The following MROH2A variants were observed in gnomAD, a reference collection of about 807,000 sequenced individuals.
The protein encoded by MROH2A is maestro heat like repeat family member 2A.
Under a neutral mutation model 200.4 loss-of-function variants are expected in MROH2A, and 174 were observed. That is an observed-to-expected ratio of 0.87 (90% CI 0.77 to 0.98). The LOEUF (loss-of-function observed/expected upper bound fraction) is 0.98, where lower values mean the gene tolerates loss of function less well. Among genes scored for constraint, MROH2A ranks in the 50% least tolerant of loss-of-function variants. MROH2A has a pLI of 0.00. For missense variants in MROH2A, 2,045 were observed against 2,139.6 expected (o/e 0.96, Z 0.87); for synonymous variants, 829 against 840.4 (o/e 0.99, Z 0.23).
rs61609563 is a variant in MROH2A at position 233,807,148 on chromosome 2, T to TTA, written c.2053-262_2053-261dup. Reference sequence around the variant, plus strand: ...TTTTTTGTGGCTGAGTAGTATTCCATTATATATATATATAATATGAACTGA... The same window carrying TTA: ...TTTTTTGTGGCTGAGTAGTATTCCATTATATATATATATATAATATGAACTGA... On this transcript the variant is annotated intron_variant, in intron 19 of 41. Coordinates refer to ENST00000389758, the MANE Select transcript of MROH2A (RefSeq NM_001394639.1). The surrounding 1 kb of genome is among the most constrained non-coding windows in gnomAD (Gnocchi z 4.3). 0.33 allele frequency among the ~76,000 whole-genome samples: 50,062 copies of TTA among 150,004 alleles called. 10,034 individuals carry two copies. Among genetic ancestry groups the TTA allele is most frequent in the East Asian group, 0.57 (2,917 of 5,106 alleles).
chr2:233,822,464 A>G lies in MROH2A; in HGVS notation c.3774A>G (p.Gly1258=), dbSNP rs760164391. Residue 1258 remains glycine, a synonymous_variant, in exon 33 of 42, where the codon GGA becomes GGG. Coordinates refer to ENST00000389758, the MANE Select transcript of MROH2A (RefSeq NM_001394639.1). ...DLIYTLLLQL[G]SSHRPEAAPP... ...TCTACACCCTCCTGCTGCAGCTTGGAAGCAGCCACCGACCAGAGGCCGCCC... is the reference window on the plus strand; with the variant it reads ...TCTACACCCTCCTGCTGCAGCTTGGGAGCAGCCACCGACCAGAGGCCGCCC... 24 of 1,550,706 alleles carry G rather than the reference A, an allele frequency of 1.5e-5. No homozygotes were observed. Among genetic ancestry groups the G allele is most frequent in the Admixed American group, 2.0e-5 (1 of 50,990 alleles).
At chr2:233,802,124 C>T (rs1460075150) in intron 14 of MROH2A, 44 bp from the exon 15 acceptor site, 2 of 1,520,798 alleles carry the variant, frequency 1.3e-6, no homozygotes, top group African/African-American at 1.4e-5. Flanking sequence ...AAGCCCAGGG[C>T]TTGGGCTAAT....
chr2:233,788,938 C>CA (rs56084976), intron 3 of MROH2A, among the ~76,000 whole-genome samples: 1,099 of 47,462 alleles, frequency 0.023, 156 homozygotes, highest in Admixed American at 0.035. Flanking sequence ...GACTCCGTCT[C>CA]AAAAAAAAAA....
Position 233,779,774 on chromosome 2 carries a change from G to A in MROH2A, c.198G>A (p.Ser66=), listed in dbSNP as rs1010839559. 1.5e-5 allele frequency: 24 copies of A among 1,550,720 alleles called. No homozygotes were observed. The highest frequency in any genetic ancestry group is 9.5e-5 in the South Asian group (8 of 84,062). ...TTGACATGCGGAAGACCCTGGCCTC[G>A]GTGATAATCATGGAGAAGGCCACCA... ...AGLDMRKTLA[S]VIIMEKATTE... is the part of the protein sequence containing the mutation. The change falls in exon 3 of 42, where the codon TCG becomes TCA. Residue 66 remains serine (S), a synonymous_variant. Coordinates refer to ENST00000389758, the MANE Select transcript of MROH2A (RefSeq NM_001394639.1).
At chr2:233,790,709 C>T (rs1196868076) in intron 5 of MROH2A, among the ~76,000 whole-genome samples, 1 of 143,034 alleles carries the variant, frequency 7.0e-6, no homozygotes, top group Admixed American at 7.2e-5. Context: ...CCTTCTCCAT[C>T]CTCCCTCCCT....
chr2:233,799,988 T>C, intron 13 of MROH2A, 89 bp downstream of exon 13: 7 of 1,494,990 alleles, frequency 4.7e-6, no homozygotes, highest in South Asian at 1.3e-5. Context: ...TCAGCGTACC[T>C]GTGTTCAAAC....
intron 13 of MROH2A, 95 bp downstream of exon 13, chr2:233,799,994 C>A: frequency 6.8e-7 from 1 of 1,464,448 alleles, no homozygotes; most frequent in Non-Finnish European, 9.2e-7. Context: ...TACCTGTGTT[C>A]AAACCTGCGT....
rs752951251 is a variant in MROH2A, at chr2:233,818,105, C to T, written c.3065C>T (p.Ser1022Phe). 6.4e-7 allele frequency: 1 copy of T among 1,550,674 alleles called. No individual in the cohort carries two copies. The part of the protein sequence containing the change: ...RTRMASMNVL[S>F]SLLDLHASQT... ...CGCATGGCCTCAATGAATGTCCTGT[C>T]CAGCCTGCTAGATCTTCACGGTATG... The change falls in exon 28 of 42, where the codon TCC (serine) becomes TTC (phenylalanine). Residue 1022 changes from serine to phenylalanine, a missense_variant. Ser to Phe is a radical substitution (Grantham distance 155). This residue lies in a region of MROH2A where 1,201 missense variants were observed against 1,311.3 expected (regional missense o/e 0.92). Coordinates refer to ENST00000389758, the MANE Select transcript of MROH2A (RefSeq NM_001394639.1).
intron 5 of MROH2A, 137 bp from the exon 6 acceptor site, chr2:233,792,659 C>A: frequency 3.3e-6 from 2 of 612,116 alleles, no homozygotes; most frequent in East Asian, 2.8e-5. Flanking sequence ...TTTCCTGGGC[C>A]CCAGCCAGGA....
At chr2:233,819,813 A>C in intron 30 of MROH2A, 89 bp from the exon 31 acceptor site, 2 of 1,369,612 alleles carry the variant, frequency 1.5e-6, no homozygotes, top group Non-Finnish European at 1.9e-6. Context: ...ACTGGGCCAG[A>C]GCCCTTAGAG....
intron 3 of MROH2A, among the ~76,000 whole-genome samples, chr2:233,782,659 A>T (rs1201040134): frequency 6.6e-6 from 1 of 152,212 alleles, no homozygotes; most frequent in African/African-American, 2.4e-5. Context: ...TCATCTGTGA[A>T]CAAGGATAAT....
intron 5 of MROH2A, among the ~76,000 whole-genome samples, chr2:233,790,955 G>A (rs114976790): frequency 0.015 from 2,233 of 152,326 alleles, 53 homozygotes; most frequent in African/African-American, 0.051. Context: ...TGTTGAGGTA[G>A]CGATATTTCA....
chr2:233,802,450 CTATTAATGCCTACCTGGA>C (rs1247295000), intron 15 of MROH2A, 135 bp downstream of exon 15: 2 of 931,626 alleles, frequency 2.1e-6, no homozygotes, highest in South Asian at 1.8e-5. Context: ...CAAATTAATA[CTATTAATGCCTACCTGGA>C]TATTAATGCC....
intron 24 of MROH2A, 100 bp downstream of exon 24, chr2:233,812,059 C>A: frequency 2.4e-6 from 2 of 821,884 alleles, no homozygotes; most frequent in South Asian, 1.5e-5. Flanking sequence ...TTTTTCCTCT[C>A]CTCCCTCTGT....
In MROH2A at chr2:233,817,348, G is replaced by A. The variant is rs149131245; in HGVS notation, c.2961+463G>A. On this transcript the variant is annotated intron_variant, in intron 27 of 41. Transcript: ENST00000389758. ...CTTTTTGGCTCCATGCTGTTTGACT[G>A]TCTTGTCCTCAGGATGGCTGTGGCA... 2.0e-5 allele frequency among the ~76,000 whole-genome samples: 3 copies of A among 152,166 alleles called. 1 individual carries two copies. Among genetic ancestry groups the A allele is most frequent in the South Asian group, 4.1e-4 (2 of 4,824 alleles).
chr2:233,799,386 T>A (rs1016083564), intron 12 of MROH2A, among the ~76,000 whole-genome samples: 79 of 152,126 alleles, frequency 5.2e-4, no homozygotes, highest in African/African-American at 1.9e-3. Flanking sequence ...CAGAGCTGTC[T>A]TCAGTCCCTG....
At chr2:233,823,250 C>T (rs571689080) in intron 34 of MROH2A, among the ~76,000 whole-genome samples, 1 of 152,336 alleles carries the variant, frequency 6.6e-6, no homozygotes. Flanking sequence ...AGGAGGGGCT[C>T]GCCCCCAGGG....
rs17863803 is a variant in MROH2A at position 233,779,681 on chromosome 2, A to G, written c.105A>G (p.Gln35=). The part of the protein sequence containing the change: ...PLELHDSGTF[Q]QVVNLLDIID... ...CGTTTGTTTTCATAGGTACCTTTCAACAAGTCGTGAACCTTCTGGACATCA... is the reference window on the plus strand; with the variant it reads ...CGTTTGTTTTCATAGGTACCTTTCAGCAAGTCGTGAACCTTCTGGACATCA... Residue 35 remains glutamine, a synonymous_variant, in exon 3 of 42, where the codon CAA becomes CAG. Coordinates refer to ENST00000389758, the MANE Select transcript of MROH2A (RefSeq NM_001394639.1). 0.021 allele frequency: 32,316 copies of G among 1,551,040 alleles called. 687 individuals are homozygous for G. The highest frequency in any genetic ancestry group is 0.11 in the African/African-American group (8,103 of 73,116).
In MROH2A at chr2:233,779,412, G is replaced by C; in HGVS notation, c.54G>C (p.Glu18Asp). ...TAGCCTCAAGTGAGGAGGTGTCAGA[G>C]GAAAGAGACGACCTGGGGCCTCTTG... is the stretch of plus-strand genomic sequence containing the variant. Reference protein sequence around the residue: ...AAVASSEEVSEERDDLGPLEL... With the variant: ...AAVASSEEVSDERDDLGPLEL... The change falls in exon 2 of 42, where the codon GAG (glutamate) becomes GAC (aspartate). Residue 18 changes from glutamate (E) to aspartate (D), a missense_variant. Physicochemically the swap from Glu to Asp is conservative, Grantham distance 45. Coordinates refer to ENST00000389758, the MANE Select transcript of MROH2A (RefSeq NM_001394639.1). The C allele has an allele frequency of 6.5e-7, 1 of 1,549,990 alleles. No homozygotes were observed. Among genetic ancestry groups the C allele is most frequent in the Non-Finnish European group, 8.7e-7 (1 of 1,146,426 alleles).
Sources: allele counts gnomAD v4.1 joint callset (sites outside exome capture counted in the v4.1 genomes callset), GRCh38; gene constraint gnomAD v4.1.1; regional missense constraint gnomAD v4.1.1; non-coding constraint Gnocchi (gnomAD v3.1); transcripts MANE v1.5; gene names NCBI Gene and HGNC (gene_info 2026-07-23, HGNC 2026-07-21).